Variants in KHDRBS3 observed in about 807,000 individuals in gnomAD.
KHDRBS3 encodes KH domain-containing, RNA-binding, signal transduction-associated protein 3.
In KHDRBS3, 23 loss-of-function variants were observed where a neutral mutation model predicts 45.6. The observed-to-expected ratio is 0.50, with a 90% CI of 0.36 to 0.72. The LOEUF (loss-of-function observed/expected upper bound fraction) is 0.72, where lower values mean the gene tolerates loss of function less well. Among genes scored for constraint, KHDRBS3 ranks in the 30% least tolerant of loss-of-function variants. KHDRBS3 has a pLI of 0.00. For synonymous variants in KHDRBS3, 162 were observed against 156.5 expected, an observed-to-expected ratio of 1.04 and a Z score of -0.26; for missense variants, 352 against 424.8, an observed-to-expected ratio of 0.83 and a Z score of 1.51.
chr8:135,639,330 G>A (rs985616627), intron 7 of KHDRBS3, among the ~76,000 whole-genome samples: 4 of 152,192 alleles, frequency 2.6e-5, no homozygotes, highest in Admixed American at 1.3e-4. Flanking sequence ...AGAGTGTGAC[G>A]TGGAGGGATT....
chr8:135,520,184 C>A (rs1412023395), intron 1 of KHDRBS3, among the ~76,000 whole-genome samples: 2 of 152,162 alleles, frequency 1.3e-5, no homozygotes, highest in Non-Finnish European at 2.9e-5. Context: ...ATGTTCCTAG[C>A]TTAACAAGCA....
chr8:135,568,353 A>G (rs1827531195), intron 5 of KHDRBS3, among the ~76,000 whole-genome samples: 1 of 152,194 alleles, frequency 6.6e-6, no homozygotes, highest in Non-Finnish European at 1.5e-5. Flanking sequence ...TAACTAATCA[A>G]GAACCTTACT....
At chr8:135,653,321 A>G (rs1831467732) in intron 4 of KHDRBS3, among the ~76,000 whole-genome samples, 1 of 152,164 alleles carries the variant, frequency 6.6e-6, no homozygotes. Context: ...ACATAGTGGG[A>G]ACTGACAGGG....
chr8:135,503,833 G>A (rs1823857338), intron 1 of KHDRBS3, among the ~76,000 whole-genome samples: 3 of 152,144 alleles, frequency 2.0e-5, no homozygotes, highest in African/African-American at 7.2e-5. Flanking sequence ...AGAATTTGGA[G>A]TTACTATAAG....
chr8:135,653,921 C>A (rs1222601551), intron 4 of KHDRBS3, among the ~76,000 whole-genome samples: 1 of 151,922 alleles, frequency 6.6e-6, no homozygotes, highest in Non-Finnish European at 1.5e-5. Flanking sequence ...CAAAATATGC[C>A]CTTTATTTAG....
chr8:135,535,019 T>TG (rs1467508336), intron 2 of KHDRBS3, among the ~76,000 whole-genome samples: 3 of 152,136 alleles, frequency 2.0e-5, no homozygotes, highest in Non-Finnish European at 4.4e-5. Context: ...CCGAAGTTGC[T>TG]GAATTGTGAG....
At chr8:135,621,135 AGG>A (rs557085724) in intron 7 of KHDRBS3, among the ~76,000 whole-genome samples, 2,512 of 106,808 alleles carry the variant, frequency 0.024, 66 homozygotes, top group African/African-American at 0.08. Flanking sequence ...CTTAAAAAAA[AGG>A]GGGGGAGGAT....
At chr8:135,511,278 C>G (rs1021788514) in intron 1 of KHDRBS3, among the ~76,000 whole-genome samples, 2 of 152,158 alleles carry the variant, frequency 1.3e-5, no homozygotes, top group Non-Finnish European at 2.9e-5. Flanking sequence ...AGCAGTGTTG[C>G]AGAGATTGAC....
chr8:135,563,874 G>A (rs77081156), intron 5 of KHDRBS3, among the ~76,000 whole-genome samples: 4,372 of 152,188 alleles, frequency 0.029, 93 homozygotes, highest in Non-Finnish European at 0.041. Context: ...TTTCTTCCAC[G>A]TAGGAGCAGT....
rs35447347 is a variant in KHDRBS3, at chr8:135,577,107, G to GTT, written c.612-4762_612-4761dup. ...TCAACTAGAACAGTGCTTATTTACG[G>GTT]TTTTTTTTTTCCCTTTAGTCTAACA... On this transcript the variant is annotated intron_variant, in intron 5 of 8. Transcript: ENST00000355849. 7.2e-3 allele frequency among the ~76,000 whole-genome samples: 1,075 copies of GTT among 149,404 alleles called. 6 individuals carry two copies. Among genetic ancestry groups the GTT allele is most frequent in the African/African-American group, 0.024 (998 of 40,788 alleles).
At chr8:135,608,881 A>G (rs1829585643) in intron 7 of KHDRBS3, among the ~76,000 whole-genome samples, 1 of 152,198 alleles carries the variant, frequency 6.6e-6, no homozygotes, top group Non-Finnish European at 1.5e-5. Context: ...TTCTGTATCT[A>G]AACATGTATA....
At chr8:135,575,122 CT>C (rs1179603166) in intron 5 of KHDRBS3, among the ~76,000 whole-genome samples, 4 of 152,156 alleles carry the variant, frequency 2.6e-5, no homozygotes, top group Non-Finnish European at 5.9e-5. Context: ...AAGAAAAAGC[CT>C]AATTTACAAT....
chr8:135,597,746 C>T (rs1829038223), intron 6 of KHDRBS3, among the ~76,000 whole-genome samples: 1 of 152,062 alleles, frequency 6.6e-6, no homozygotes, highest in Admixed American at 6.6e-5. Flanking sequence ...GGAAAGATGT[C>T]CATAAAAATC....
chr8:135,521,427 C>A, intron 2 of KHDRBS3, 72 bp downstream of exon 2: 2 of 837,608 alleles, frequency 2.4e-6, no homozygotes, highest in Non-Finnish European at 3.9e-6. Context: ...AATTTATATT[C>A]TGTTTGGTGT....
intron 7 of KHDRBS3, among the ~76,000 whole-genome samples, chr8:135,639,429 T>C (rs936305667): frequency 1.3e-5 from 2 of 152,126 alleles, no homozygotes; most frequent in African/African-American, 2.4e-5. Flanking sequence ...TATGCTGAAA[T>C]CACCAGGACT....
chr8:135,623,377 T>C (rs527907943), intron 7 of KHDRBS3, among the ~76,000 whole-genome samples: 2 of 152,326 alleles, frequency 1.3e-5, no homozygotes, highest in Admixed American at 1.3e-4. Flanking sequence ...ATGTAATGTG[T>C]GACCTTGAGC....
intron 2 of KHDRBS3, among the ~76,000 whole-genome samples, chr8:135,530,917 A>G (rs1421241895): frequency 6.6e-6 from 1 of 152,066 alleles, no homozygotes; most frequent in African/African-American, 2.4e-5. Context: ...TACCCTATCG[A>G]TTGCAATAGA....
intron 1 of KHDRBS3, among the ~76,000 whole-genome samples, chr8:135,508,588 C>G (rs1824123262): frequency 6.6e-6 from 1 of 152,108 alleles, no homozygotes; most frequent in Non-Finnish European, 1.5e-5. Context: ...TGTGATTTAA[C>G]CCATAGGTGT....
intron 1 of KHDRBS3, among the ~76,000 whole-genome samples, chr8:135,506,924 T>C (rs764557802): frequency 1.3e-5 from 2 of 152,106 alleles, no homozygotes; most frequent in Non-Finnish European, 2.9e-5. Context: ...TCATTTATCC[T>C]GTAGGATAAA....
Sources: gnomAD v4.1 joint callset for allele counts (sites outside exome capture counted in the v4.1 genomes callset) on GRCh38, gnomAD v4.1.1 for gene constraint, MANE v1.5 for transcripts, NCBI Gene and HGNC (gene_info 2026-07-23, HGNC 2026-07-21) for gene names.